PDZD2: variants seen among roughly 807,000 people sequenced by gnomAD.
The protein encoded by PDZD2 is PDZ domain-containing protein 2.
A neutral mutation model predicts 220.7 loss-of-function variants in PDZD2; 90 were observed. The ratio of observed to expected loss-of-function variants is 0.41; its 90% CI spans 0.34 to 0.49. The LOEUF is 0.49. Ranked by LOEUF, PDZD2 falls within the 20% of genes least tolerant of loss-of-function variation. The pLI, the probability that PDZD2 is intolerant of heterozygous loss-of-function variation, is 0.28. For missense variants in PDZD2, 3,174 were observed against 3,608.5 expected (o/e 0.88, Z 3.08); for synonymous variants, 1,375 against 1,450.5 (o/e 0.95, Z 1.18).
At chr5:31,768,927 C>A (rs1186565407) in intron 1 of PDZD2, among the ~76,000 whole-genome samples, 1 of 152,196 alleles carries the variant, frequency 6.6e-6, no homozygotes, top group East Asian at 1.9e-4. Context: ...TCACAAATTT[C>A]CTAAAGGTGG....
intron 2 of PDZD2, among the ~76,000 whole-genome samples, chr5:31,852,085 G>A (rs1758090993): frequency 6.6e-6 from 1 of 152,014 alleles, no homozygotes; most frequent in African/African-American, 2.4e-5. Flanking sequence ...TTGAGCTCCT[G>A]ACCTCGTGAT....
intron 2 of PDZD2, among the ~76,000 whole-genome samples, chr5:31,846,171 T>C (rs1421587045): frequency 6.6e-6 from 1 of 152,236 alleles, no homozygotes; most frequent in Non-Finnish European, 1.5e-5. Flanking sequence ...TCTCACTCTG[T>C]TGCCCAGGCT....
chr5:31,733,590 A>G (rs1402416318), intron 1 of PDZD2, among the ~76,000 whole-genome samples: 1 of 152,198 alleles, frequency 6.6e-6, no homozygotes. Flanking sequence ...AAAGAGGCAC[A>G]TGCTCTCAGC....
At chr5:31,976,799 C>T (rs1266507529) in intron 2 of PDZD2, among the ~76,000 whole-genome samples, 1 of 145,460 alleles carries the variant, frequency 6.9e-6, no homozygotes, top group African/African-American at 2.5e-5. Flanking sequence ...CTCACTGCAA[C>T]CTCCGATTCC....
chr5:31,682,996 A>G (rs1580559547), intron 1 of PDZD2, among the ~76,000 whole-genome samples: 2 of 152,056 alleles, frequency 1.3e-5, no homozygotes, highest in East Asian at 3.9e-4. Flanking sequence ...GGACCTGACC[A>G]GTACTCTGAC....
At chr5:31,781,665 G>A (rs916460309) in intron 1 of PDZD2, among the ~76,000 whole-genome samples, 2 of 152,180 alleles carry the variant, frequency 1.3e-5, no homozygotes, top group African/African-American at 4.8e-5. Context: ...GTAGTCCTAG[G>A]ATCATGATTT....
At chr5:32,053,573 G>C (rs972813197) in intron 9 of PDZD2, among the ~76,000 whole-genome samples, 196 bp from the exon 10 acceptor site, 1 of 152,212 alleles carries the variant, frequency 6.6e-6, no homozygotes, top group African/African-American at 2.4e-5. Context: ...ATAGATCGGA[G>C]GAGGGGAATA....
intron 1 of PDZD2, among the ~76,000 whole-genome samples, chr5:31,694,953 G>A (rs557945241): frequency 6.6e-6 from 1 of 151,664 alleles, no homozygotes; most frequent in Non-Finnish European, 1.5e-5. Context: ...GTGACACCTC[G>A]TCTCTACTGA....
In PDZD2 at chr5:31,678,915, T is replaced by C. The variant is rs554923495; in HGVS notation, c.-361+39478T>C. 1.2e-3 allele frequency among the ~76,000 whole-genome samples: 177 copies of C among 152,032 alleles called. 1 individual carries two copies. The highest frequency in any genetic ancestry group is 4.2e-3 in the African/African-American group (174 of 41,474). On this transcript the variant is annotated intron_variant, in intron 1 of 24. Coordinates refer to ENST00000438447, the MANE Select transcript of PDZD2 (RefSeq NM_178140.4). ...AGCCACCATGCCCAGCCTATATTTC[T>C]TTTTTTTCCCCCCTTTTTAATTATG...
chr5:31,884,125 A>G (rs139278010), intron 2 of PDZD2, among the ~76,000 whole-genome samples: 2 of 152,268 alleles, frequency 1.3e-5, no homozygotes, highest in Non-Finnish European at 2.9e-5. Context: ...AGGCCGGAGA[A>G]TCGCTTGAAC....
intron 2 of PDZD2, among the ~76,000 whole-genome samples, chr5:31,899,788 T>A (rs76740669): frequency 6.6e-6 from 1 of 152,156 alleles, no homozygotes; most frequent in African/African-American, 2.4e-5. Flanking sequence ...AGTGCCTTCA[T>A]AAAAGAGGCC....
chr5:31,725,690 T>C (rs1265144331), intron 1 of PDZD2: 2 of 948,176 alleles, frequency 2.1e-6, no homozygotes, highest in Non-Finnish European at 3.5e-6. Context: ...GAATCTGTTT[T>C]TAGAGATGCC....
At chr5:31,840,602 A>C in intron 2 of PDZD2, 1 of 711,354 alleles carries the variant, frequency 1.4e-6, no homozygotes. Flanking sequence ...AGTTGAACCC[A>C]GGTACCTTTC....
chr5:31,740,483 C>T (rs1162716088), intron 1 of PDZD2, among the ~76,000 whole-genome samples: 2 of 134,274 alleles, frequency 1.5e-5, no homozygotes, highest in African/African-American at 5.7e-5. Flanking sequence ...CGAGATCTTG[C>T]CACTGCACTC....
intron 1 of PDZD2, among the ~76,000 whole-genome samples, chr5:31,766,663 A>T (rs1752031962): frequency 6.6e-6 from 1 of 151,818 alleles, no homozygotes; most frequent in Admixed American, 6.6e-5. Flanking sequence ...AAGTGCTGGG[A>T]TTACAGGTGT....
intron 7 of PDZD2, among the ~76,000 whole-genome samples, chr5:32,046,076 C>T (rs953933395): frequency 7.2e-5 from 11 of 151,876 alleles, no homozygotes; most frequent in East Asian, 5.8e-4. Context: ...CATGTACACA[C>T]GCAGATAGGT....
rs112876775 is a variant in PDZD2, at chr5:31,763,217, G to T, written c.-360-35672G>T. Among the ~76,000 whole-genome samples the T allele has an allele frequency of 5.3e-3, 800 of 152,164 alleles. 7 individuals carry two copies. The highest frequency in any genetic ancestry group is 0.018 in the African/African-American group (740 of 41,486). ...CAGTGAACCTTGCCAGCATCAGCAG[G>T]CCCCCAGCTCCTGCCCACAGAGCAC... On this transcript the variant is annotated intron_variant, in intron 1 of 24. Coordinates refer to ENST00000438447, the MANE Select transcript of PDZD2 (RefSeq NM_178140.4).
At chr5:31,797,590 C>A (rs998397058) in intron 1 of PDZD2, among the ~76,000 whole-genome samples, 1 of 152,170 alleles carries the variant, frequency 6.6e-6, no homozygotes, top group African/African-American at 2.4e-5. Context: ...GCCTAACCCT[C>A]CCAAAGTGCT....
At chr5:31,949,262 T>C (rs1216165565) in intron 2 of PDZD2, among the ~76,000 whole-genome samples, 1 of 152,022 alleles carries the variant, frequency 6.6e-6, no homozygotes, top group East Asian at 1.9e-4. Flanking sequence ...TTAGGAAGTA[T>C]GCAACTTTCT....
Sources: gnomAD v4.1 joint callset for allele counts (sites outside exome capture counted in the v4.1 genomes callset) on GRCh38, gnomAD v4.1.1 for gene constraint, MANE v1.5 for transcripts, NCBI Gene and HGNC (gene_info 2026-07-23, HGNC 2026-07-21) for gene names.